The following STK33 variants were observed in gnomAD, a reference collection of about 807,000 sequenced individuals.
The protein encoded by STK33 is serine/threonine kinase 33.
A neutral mutation model predicts 58.0 loss-of-function variants in STK33; 52 were observed. The observed-to-expected ratio is 0.90, with a 90% CI of 0.72 to 1.13. The LOEUF (loss-of-function observed/expected upper bound fraction) is 1.13, where lower values mean the gene tolerates loss of function less well. Ranked by LOEUF, STK33 falls within the 50% of genes most tolerant of loss-of-function variation. The pLI is 0.00. For synonymous variants in STK33, 215 were observed against 200.1 expected (o/e 1.07, Z -0.63); for missense variants, 630 against 604.2 (o/e 1.04, Z -0.45).
the STK33 span, among the ~76,000 whole-genome samples, chr11:8,350,242 A>C: frequency 2.0e-5 from 3 of 152,188 alleles, no homozygotes; most frequent in African/African-American, 7.2e-5. Flanking sequence ...CCACGCTGGG[A>C]TGCAGGGGCA....
At chr11:8,479,646 C>T (rs1272242952) in intron 2 of STK33, among the ~76,000 whole-genome samples, 1 of 152,018 alleles carries the variant, frequency 6.6e-6, no homozygotes, top group East Asian at 1.9e-4. Flanking sequence ...AGTTCGAGAT[C>T]AGCCTGGCCA....
At chr11:8,425,807 G>T (rs887359481) in intron 14 of STK33, among the ~76,000 whole-genome samples, 2 of 152,094 alleles carry the variant, frequency 1.3e-5, no homozygotes, top group Non-Finnish European at 2.9e-5. Context: ...AAAGGGAAAA[G>T]TTCCCTCATC....
At chr11:8,422,713 C>A (rs1319356315) in intron 14 of STK33, among the ~76,000 whole-genome samples, 1 of 152,084 alleles carries the variant, frequency 6.6e-6, no homozygotes, top group Non-Finnish European at 1.5e-5. Flanking sequence ...ACTGAGTTTG[C>A]AGACGTATTT....
intron 14 of STK33, among the ~76,000 whole-genome samples, chr11:8,413,931 G>A (rs1940717214): frequency 6.6e-6 from 1 of 152,106 alleles, no homozygotes; most frequent in Admixed American, 6.6e-5. Flanking sequence ...AAATATTCAG[G>A]CTTGAAAGAA....
chr11:8,562,349 CTCTT>C (rs1260242084), intron 1 of STK33, among the ~76,000 whole-genome samples: 2 of 152,180 alleles, frequency 1.3e-5, no homozygotes, highest in East Asian at 1.9e-4. Flanking sequence ...CTCTCTCTCT[CTCTT>C]TCTTTCTCTC....
intron 6 of STK33, among the ~76,000 whole-genome samples, chr11:8,472,202 T>C (rs549209893): frequency 1.3e-5 from 2 of 152,218 alleles, no homozygotes; most frequent in Non-Finnish European, 2.9e-5. Flanking sequence ...ATGCTGAGAT[T>C]ACAGGCATGA....
intron 1 of STK33, among the ~76,000 whole-genome samples, chr11:8,513,138 C>T (rs775876955): frequency 2.0e-5 from 3 of 152,132 alleles, no homozygotes; most frequent in Non-Finnish European, 4.4e-5. Context: ...TTAGTCAAAA[C>T]TATTTACTAA....
chr11:8,580,346 T>C (rs2029901432), intron 1 of STK33, among the ~76,000 whole-genome samples: 1 of 152,194 alleles, frequency 6.6e-6, no homozygotes, highest in South Asian at 2.1e-4. Flanking sequence ...GTCATTATGT[T>C]AAACGAAATG....
the STK33 span, among the ~76,000 whole-genome samples, chr11:8,374,517 G>C: frequency 6.6e-6 from 1 of 152,212 alleles, no homozygotes; most frequent in African/African-American, 2.4e-5. Flanking sequence ...CACTGGCAGA[G>C]AAAGAGAGAG....
At chr11:8,585,020 T>A (rs1233857948) in intron 1 of STK33, among the ~76,000 whole-genome samples, 1 of 151,010 alleles carries the variant, frequency 6.6e-6, no homozygotes, top group Non-Finnish European at 1.5e-5. Flanking sequence ...CCTCCTGGGT[T>A]CAAGTAATTC....
chr11:8,355,064 CT>C, the STK33 span, among the ~76,000 whole-genome samples: 1 of 152,254 alleles, frequency 6.6e-6, no homozygotes, highest in Admixed American at 6.5e-5. Flanking sequence ...CGGCCGCTGC[CT>C]GCTAATTGCG....
intron 1 of STK33, among the ~76,000 whole-genome samples, chr11:8,539,257 T>C (rs992227279): frequency 6.6e-6 from 1 of 152,208 alleles, no homozygotes; most frequent in African/African-American, 2.4e-5. Flanking sequence ...CCTAGCCCAT[T>C]ATCATAGAGA....
chr11:8,542,461 CA>C (rs1216030445), intron 1 of STK33, among the ~76,000 whole-genome samples: 1 of 152,134 alleles, frequency 6.6e-6, no homozygotes, highest in African/African-American at 2.4e-5. Flanking sequence ...GGATGGCTGG[CA>C]ATGTCTGGGA....
intron 1 of STK33, among the ~76,000 whole-genome samples, chr11:8,565,520 G>A (rs1369711535): frequency 6.6e-6 from 1 of 152,170 alleles, no homozygotes; most frequent in Non-Finnish European, 1.5e-5. Flanking sequence ...CAAGTTCTAC[G>A]ACTGAAGGCA....
At chr11:8,439,869 T>TATATATATATATATATATATATATA (rs1554930119) in intron 12 of STK33, among the ~76,000 whole-genome samples, 3 of 107,260 alleles carry the variant, frequency 2.8e-5, no homozygotes, top group Non-Finnish European at 3.8e-5. Flanking sequence ...TATATTATAA[T>TATATATATATATATATATATATATA]TATATATATA....
intron 1 of STK33, among the ~76,000 whole-genome samples, chr11:8,578,297 T>A (rs1329885142): frequency 6.6e-6 from 1 of 152,038 alleles, no homozygotes; most frequent in African/African-American, 2.4e-5. Context: ...CAAAATAACA[T>A]AAATTAAAAG....
chr11:8,416,314 A>C (rs1007740964), intron 14 of STK33, among the ~76,000 whole-genome samples: 2 of 152,200 alleles, frequency 1.3e-5, no homozygotes, highest in African/African-American at 2.4e-5. Flanking sequence ...GGTAAGAAGA[A>C]GGTAAGCACT....
chr11:8,375,752 TCTC>T, the STK33 span, among the ~76,000 whole-genome samples: 2 of 152,090 alleles, frequency 1.3e-5, no homozygotes, highest in African/African-American at 2.4e-5. Flanking sequence ...ACTTGGCACT[TCTC>T]CTTCCTGCCA....
intron 1 of STK33, among the ~76,000 whole-genome samples, chr11:8,509,739 T>C (rs1161694047): frequency 6.6e-6 from 1 of 152,190 alleles, no homozygotes; most frequent in Non-Finnish European, 1.5e-5. Flanking sequence ...AGCTCCCACT[T>C]ATAAGTGAGA....
Sources: allele counts gnomAD v4.1 joint callset (sites outside exome capture counted in the v4.1 genomes callset), GRCh38; gene constraint gnomAD v4.1.1; transcripts MANE v1.5; gene names NCBI Gene and HGNC (gene_info 2026-07-23, HGNC 2026-07-21).